Variants in ITGA7 observed in about 807,000 individuals in gnomAD.
ITGA7 encodes the protein integrin subunit alpha 7.
A neutral mutation model predicts 131.6 loss-of-function variants in ITGA7; 84 were observed. The ratio of observed to expected loss-of-function variants is 0.64; its 90% CI spans 0.54 to 0.77. The LOEUF (loss-of-function observed/expected upper bound fraction) is 0.77. ITGA7 is among the 30% of genes least tolerant of loss of function. ITGA7 has a pLI of 0.00. For missense variants in ITGA7, 1,399 were observed against 1,482.9 expected, an observed-to-expected ratio of 0.94 and a Z score of 0.93; for synonymous variants, 548 against 600.7, an observed-to-expected ratio of 0.91 and a Z score of 1.28.
At chr12:55,707,907 C>T (rs1039099104), upstream of ITGA7, 12 of 1,405,110 alleles carry the variant, frequency 8.5e-6, no homozygotes, top group Non-Finnish European at 1.1e-5. Context: ...GCGCCCACTC[C>T]GGCTCCCGCC....
chr12:55,702,262 C>T (rs986794836), intron 3 of ITGA7, among the ~76,000 whole-genome samples: 2 of 151,964 alleles, frequency 1.3e-5, no homozygotes, highest in African/African-American at 2.4e-5. Flanking sequence ...TCACTGCAAG[C>T]TCCGCCTCTC....
rs758020671 is a variant in ITGA7, at chr12:55,700,357, G to A, written c.671-368C>T. Reference sequence around the variant, plus strand: ...ACCGTCGTCCAGGTGTGCCAGGTCCGCTGAGCCCTGTGCACAGAGCTCCAC... The same window carrying A: ...ACCGTCGTCCAGGTGTGCCAGGTCCACTGAGCCCTGTGCACAGAGCTCCAC... On this transcript the variant is annotated intron_variant, in intron 4 of 24. Coordinates refer to ENST00000257879, the MANE Select transcript of ITGA7 (RefSeq NM_002206.3). 1.3e-4 allele frequency: 212 copies of A among 1,609,964 alleles called. No individual in the cohort carries two copies. The East Asian group carries it at 1.5e-3, about 11-fold the overall frequency.
chr12:55,692,961 C>G lies in ITGA7; in HGVS notation c.2727G>C (p.Arg909Ser). ...GCTCCAGCTCCCGCCGCCTCCTATC[C>G]CTACTGTCCACATCCTGGACACGGA... ...PNILHLDVDS[R>S]DRRRRELEPP... is the part of the protein sequence containing the mutation. Residue 909 changes from arginine (R) to serine (S), a missense_variant, in exon 21 of 25, where the codon AGG (arginine) becomes AGC (serine). Coordinates refer to ENST00000257879, the MANE Select transcript of ITGA7 (RefSeq NM_002206.3). The G allele has an allele frequency of 6.2e-7, 1 of 1,614,078 alleles. No individual in the cohort carries two copies. The highest frequency in any genetic ancestry group is 1.1e-5 in the South Asian group (1 of 91,076).
intron 13 of ITGA7, 25 bp downstream of exon 13, chr12:55,696,258 G>A (rs1247246458): frequency 1.3e-6 from 2 of 1,554,468 alleles, no homozygotes; most frequent in African/African-American, 1.4e-5. Flanking sequence ...TCCTCCCCCT[G>A]GGCTAAACCA....
upstream of ITGA7, chr12:55,711,973 A>G: frequency 9.6e-7 from 1 of 1,045,036 alleles, no homozygotes; most frequent in Non-Finnish European, 1.5e-6. Flanking sequence ...CCTCCACCTC[A>G]TCTGGCAACA....
chr12:55,715,990 A>G, upstream of ITGA7: 6 of 1,481,288 alleles, frequency 4.1e-6, no homozygotes, highest in Admixed American at 2.6e-5. Context: ...CCCCGCCAAG[A>G]TCTTCACCCA....
At chr12:55,716,345 T>G (rs1876524626), upstream of ITGA7, 1 of 1,472,902 alleles carries the variant, frequency 6.8e-7, no homozygotes, top group African/African-American at 1.4e-5. Context: ...AGAGAGGCTT[T>G]TTTTGAAACT....
Position 55,707,623 on chromosome 12 carries a change from G to T in ITGA7, c.60C>A (p.Gly20=). The T allele has an allele frequency of 6.2e-7, 1 of 1,610,378 alleles. No homozygotes were observed. Among genetic ancestry groups the T allele is most frequent in the Non-Finnish European group, 8.5e-7 (1 of 1,178,308 alleles). ...AGAAGAGCAGTTCGACGAGCAGGGA[G>T]CCAAAAAGGTAGCAAATCCCGGAGG... is the stretch of plus-strand genomic sequence containing the variant. The part of the protein sequence containing the change: ...WGASGICYLF[G]SLLVELLFSR... The change falls in exon 1 of 25, where the codon GGC becomes GGA. Residue 20 remains glycine, a synonymous_variant. Transcript: ENST00000257879.
chr12:55,707,872 G>A lies in ITGA7; in HGVS notation c.-190C>T, dbSNP rs1325515350. The A allele has an allele frequency of 2.6e-5, 38 of 1,437,522 alleles. No individual in the cohort carries two copies. The Middle Eastern group carries it at 7.7e-4, about 29-fold the overall frequency. 89.0% of individuals were successfully genotyped at this position (1,437,522 alleles called of 1,614,324 possible). On this transcript the variant is annotated 5_prime_UTR_variant, in exon 1 of 25. Coordinates refer to ENST00000257879, the MANE Select transcript of ITGA7 (RefSeq NM_002206.3). ...ACCCCGCCGCCCCAGCACCGGCTAGGACAACTACAGCAGCCGCAGCTCCGG... is the reference window on the plus strand; with the variant it reads ...ACCCCGCCGCCCCAGCACCGGCTAGAACAACTACAGCAGCCGCAGCTCCGG...
At chr12:55,701,835 C>T (rs1457796565) in intron 3 of ITGA7, among the ~76,000 whole-genome samples, 1 of 152,154 alleles carries the variant, frequency 6.6e-6, no homozygotes, top group Non-Finnish European at 1.5e-5. Flanking sequence ...CAAATCATCC[C>T]CTCTGCAGAA....
Position 55,699,935 on chromosome 12 carries a change from T to C in ITGA7, c.725A>G (p.Lys242Arg). 1 of 1,614,022 alleles carries C rather than the reference T, an allele frequency of 6.2e-7. No homozygotes were observed. Among genetic ancestry groups the C allele is most frequent in the South Asian group, 1.1e-5 (1 of 91,060 alleles). The change falls in exon 5 of 25, where the codon AAA becomes AGA. Residue 242 changes from lysine to arginine, a missense_variant. Lys to Arg is a conservative substitution (Grantham distance 26, BLOSUM62 2). Transcript: ENST00000257879. ...DSSDPDQLVY[K>R]TLDPADRLPG... Reference sequence around the variant, plus strand: ...GAGCCGGTCAGCAGGGTCCAAAGTTTTATACACCAGCTGGTCGGGGTCTGA... The same window carrying C: ...GAGCCGGTCAGCAGGGTCCAAAGTTCTATACACCAGCTGGTCGGGGTCTGA...
In ITGA7 at chr12:55,684,710, G is replaced by C; in HGVS notation, c.*348C>G. The C allele has an allele frequency of 3.4e-6, 1 of 295,896 alleles. No homozygotes were observed. Among genetic ancestry groups the C allele is most frequent in the Non-Finnish European group, 6.3e-6 (1 of 158,980 alleles). The allele number at this position is 295,896 out of a possible 1,614,324, so 18.3% of individuals were successfully genotyped here. On this transcript the variant is annotated 3_prime_UTR_variant, in exon 25 of 25. Transcript: ENST00000257879. The stretch of plus-strand genomic sequence containing the variant: ...CACAACCTCCTCCCCGACCCTCTAG[G>C]TTAAGGCACTTCCGGGGAGGCAGGT...
intron 14 of ITGA7, 68 bp from the exon 15 acceptor site, chr12:55,695,038 G>T (rs1240978463): frequency 2.6e-5 from 38 of 1,479,848 alleles, no homozygotes; most frequent in Non-Finnish European, 2.5e-5. Context: ...CGCCCAGTCT[G>T]CTCCCCCAGT....
intron 19 of ITGA7, among the ~76,000 whole-genome samples, chr12:55,693,797 A>G (rs1872011020): frequency 6.6e-6 from 1 of 152,056 alleles, no homozygotes; most frequent in African/African-American, 2.4e-5. Context: ...CTCATGGCCT[A>G]CCACACCAGC....
At chr12:55,707,205 G>A (rs938260670) in intron 1 of ITGA7, among the ~76,000 whole-genome samples, 2 of 152,172 alleles carry the variant, frequency 1.3e-5, no homozygotes, top group African/African-American at 4.8e-5. Context: ...CAAGTTGGGG[G>A]AAAGGCCCAG....
upstream of ITGA7, among the ~76,000 whole-genome samples, chr12:55,709,149 C>T (rs1875793542): frequency 6.6e-6 from 1 of 152,152 alleles, no homozygotes; most frequent in Non-Finnish European, 1.5e-5. Context: ...TCTATTTTGT[C>T]ATCATTCTTG....
At chr12:55,700,113 G>T in intron 4 of ITGA7, 124 bp from the exon 5 acceptor site, 1 of 1,428,454 alleles carries the variant, frequency 7.0e-7, no homozygotes, top group Non-Finnish European at 9.7e-7. Flanking sequence ...GAGAAAAAGA[G>T]ACCAGAGAGA....
chr12:55,699,722 T>A, intron 5 of ITGA7, 148 bp downstream of exon 5: 1 of 1,068,630 alleles, frequency 9.4e-7, no homozygotes. Context: ...TGGACCCAGC[T>A]CTTCTCTGCA....
In ITGA7 at chr12:55,701,382, C is replaced by G. The variant is rs370464764; in HGVS notation, c.415-228G>C. ...CCAGCAACCTGTCTGCACCCACTTC[C>G]TTGCCCTCAAATGGAGATCTCCTTG... On this transcript the variant is annotated intron_variant, in intron 3 of 24. Transcript: ENST00000257879. The G allele has an allele frequency of 4.0e-5, 62 of 1,551,956 alleles. No individual in the cohort carries two copies. The African/African-American group carries it at 7.9e-4, about 20-fold the overall frequency.
Sources: gnomAD v4.1 joint callset for allele counts (sites outside exome capture counted in the v4.1 genomes callset) on GRCh38, gnomAD v4.1.1 for gene constraint, MANE v1.5 for transcripts, NCBI Gene and HGNC (gene_info 2026-07-23, HGNC 2026-07-21) for gene names.